CALN1: variants seen among roughly 807,000 people sequenced by gnomAD.
CALN1 encodes the protein calneuron 1, also known as calcium-binding protein 8.
In CALN1, 17 loss-of-function variants were observed where a neutral mutation model predicts 30.6. That is an observed-to-expected ratio of 0.56 (90% CI 0.38 to 0.83). CALN1 has a LOEUF of 0.83. Ranked by LOEUF, CALN1 falls within the 40% of genes least tolerant of loss-of-function variation. CALN1 has a pLI of 0.00. For missense variants in CALN1, 291 were observed against 354.9 expected (o/e 0.82, Z 1.45); for synonymous variants, 156 against 131.4 (o/e 1.19, Z -1.28).
chr7:71,940,183 C>T (rs748537809), intron 5 of CALN1, among the ~76,000 whole-genome samples: 1 of 152,188 alleles, frequency 6.6e-6, no homozygotes, highest in East Asian at 1.9e-4. Context: ...CACTGTGAGA[C>T]TGACAAAAAT....
intron 1 of CALN1, among the ~76,000 whole-genome samples, chr7:72,434,489 T>G (rs545662378): frequency 6.6e-6 from 1 of 151,058 alleles, no homozygotes; most frequent in Admixed American, 6.6e-5. Context: ...GCCACTGCAC[T>G]CCAGCCTGGT....
chr7:72,096,534 T>C (rs1584932882), intron 4 of CALN1, among the ~76,000 whole-genome samples: 2 of 146,250 alleles, frequency 1.4e-5, no homozygotes, highest in African/African-American at 5.1e-5. Flanking sequence ...TGGCCGGGCA[T>C]GATGGCTCAC....
intron 5 of CALN1, among the ~76,000 whole-genome samples, chr7:71,953,087 G>C (rs1796777084): frequency 6.6e-6 from 1 of 152,106 alleles, no homozygotes; most frequent in African/African-American, 2.4e-5. Flanking sequence ...CTCTTGAGTA[G>C]CTGGGACTAC....
chr7:71,950,559 C>T (rs1796639615), intron 5 of CALN1, among the ~76,000 whole-genome samples: 1 of 152,138 alleles, frequency 6.6e-6, no homozygotes, highest in Non-Finnish European at 1.5e-5. Flanking sequence ...ACTCTGGCCC[C>T]AAACAGCTCA....
rs114660951 is a variant in CALN1, at chr7:71,857,625, C to T, written c.502-47133G>A. ...CCTGTTCTCTTGGTGGAGTTGCCCC[C>T]GCCCACTTAATCAGGCGAGCGCTGA... is the stretch of plus-strand genomic sequence containing the variant. On this transcript the variant is annotated intron_variant, in intron 5 of 6. Transcript: ENST00000395275. Among the ~76,000 whole-genome samples the T allele has an allele frequency of 9.9e-3, 1,501 of 152,264 alleles. 15 individuals are homozygous for T. The highest frequency in any genetic ancestry group is 0.031 in the African/African-American group (1,294 of 41,554).
At chr7:72,256,411 G>A (rs1404515260) in intron 3 of CALN1, among the ~76,000 whole-genome samples, 1 of 152,164 alleles carries the variant, frequency 6.6e-6, no homozygotes, top group African/African-American at 2.4e-5. Flanking sequence ...TGTGAACTAT[G>A]ATCATGCCAC....
At chr7:72,202,552 A>T (rs1050950077) in intron 3 of CALN1, among the ~76,000 whole-genome samples, 2 of 152,224 alleles carry the variant, frequency 1.3e-5, no homozygotes, top group African/African-American at 4.8e-5. Flanking sequence ...CTGAATGAAA[A>T]TCAGACTGAC....
intron 4 of CALN1, among the ~76,000 whole-genome samples, chr7:72,082,085 C>T (rs1399629100): frequency 6.6e-6 from 1 of 152,102 alleles, no homozygotes; most frequent in East Asian, 1.9e-4. Flanking sequence ...CTCCTGGGTT[C>T]AAGCGATTCT....
At chr7:72,039,845 C>A (rs991702027) in intron 4 of CALN1, among the ~76,000 whole-genome samples, 4 of 152,102 alleles carry the variant, frequency 2.6e-5, no homozygotes, top group Non-Finnish European at 4.4e-5. Flanking sequence ...TCCTGAAGAC[C>A]CCCCCAAGCA....
intron 2 of CALN1, among the ~76,000 whole-genome samples, chr7:72,366,296 C>T (rs1803873774): frequency 6.6e-6 from 1 of 152,208 alleles, no homozygotes; most frequent in East Asian, 1.9e-4. Flanking sequence ...GCCTCAGCCT[C>T]CCAAGTAGCT....
At chr7:72,240,709 T>G (rs1213348980) in intron 3 of CALN1, among the ~76,000 whole-genome samples, 1 of 152,232 alleles carries the variant, frequency 6.6e-6, no homozygotes, top group Non-Finnish European at 1.5e-5. Flanking sequence ...CTCAAGGCCC[T>G]ATAGTCAGCT....
At chr7:71,946,050 G>T (rs1293408826) in intron 5 of CALN1, among the ~76,000 whole-genome samples, 2 of 152,178 alleles carry the variant, frequency 1.3e-5, no homozygotes, top group African/African-American at 2.4e-5. Flanking sequence ...CCGCTTTAGG[G>T]ACTGCATCTG....
intron 2 of CALN1, among the ~76,000 whole-genome samples, chr7:72,309,104 T>G (rs1278626907): frequency 6.6e-6 from 1 of 152,130 alleles, no homozygotes; most frequent in Non-Finnish European, 1.5e-5. Flanking sequence ...GCAGTTTAGC[T>G]CCAGAGGCAA....
At chr7:72,228,621 A>G (rs1585215455) in intron 3 of CALN1, among the ~76,000 whole-genome samples, 2 of 151,936 alleles carry the variant, frequency 1.3e-5, no homozygotes, top group African/African-American at 4.8e-5. Flanking sequence ...TGGAACAACA[A>G]TAACTGATGT....
intron 5 of CALN1, among the ~76,000 whole-genome samples, chr7:71,925,340 A>G (rs1478677603): frequency 6.6e-6 from 1 of 152,188 alleles, no homozygotes; most frequent in Non-Finnish European, 1.5e-5. Flanking sequence ...TTGCCTTTCA[A>G]CTATTCCTAG....
At chr7:72,459,738 A>G in the CALN1 span, among the ~76,000 whole-genome samples, 6 of 152,140 alleles carry the variant, frequency 3.9e-5, no homozygotes, top group Admixed American at 2.6e-4. Flanking sequence ...GGAAATGTAT[A>G]TTTTCCAATT....
rs1793884417 is a variant in CALN1 at position 72,228,936 on chromosome 7, T to C, written c.244+49750A>G. Among the ~76,000 whole-genome samples the C allele has an allele frequency of 1.3e-5, 2 of 150,876 alleles. 1 individual carries two copies. The highest frequency in any genetic ancestry group is 3.0e-5 in the Non-Finnish European group (2 of 67,654). Reference sequence around the variant, plus strand: ...GCCACCATGCCTGGCAATTTTTTTTTTTTTTGTAGAGATGTTGGTGGTGGG... The same window carrying C: ...GCCACCATGCCTGGCAATTTTTTTTCTTTTTGTAGAGATGTTGGTGGTGGG... On this transcript the variant is annotated intron_variant, in intron 3 of 6. Coordinates refer to ENST00000395275, the MANE Select transcript of CALN1 (RefSeq NM_031468.4).
intron 5 of CALN1, among the ~76,000 whole-genome samples, chr7:71,939,786 GGGGTAGAGGTCA>G (rs1584559737): frequency 6.6e-6 from 1 of 152,094 alleles, no homozygotes; most frequent in Non-Finnish European, 1.5e-5. Context: ...AGGATACCTA[GGGGTAGAGGTCA>G]GGGCCTGGCT....
intron 5 of CALN1, among the ~76,000 whole-genome samples, chr7:71,892,923 A>T (rs953496876): frequency 1.3e-5 from 2 of 152,078 alleles, no homozygotes; most frequent in Admixed American, 1.3e-4. Flanking sequence ...TTTTGTCTGC[A>T]TGTCCTAGCT....
Sources: allele counts gnomAD v4.1 joint callset (sites outside exome capture counted in the v4.1 genomes callset), GRCh38; gene constraint gnomAD v4.1.1; transcripts MANE v1.5; gene names NCBI Gene and HGNC (gene_info 2026-07-23, HGNC 2026-07-21).